The following RAPGEF2 variants were observed in gnomAD, a reference collection of about 807,000 sequenced individuals.
RAPGEF2 encodes the protein PDZ domain containing guanine nucleotide exchange factor (GEF) 1.
Under a neutral mutation model 186.7 loss-of-function variants are expected in RAPGEF2, and 54 were observed. That is an observed-to-expected ratio of 0.29 (90% confidence interval 0.23 to 0.36). The LOEUF (loss-of-function observed/expected upper bound fraction) is 0.36, where lower values mean the gene tolerates loss of function less well. Among genes scored for constraint, RAPGEF2 ranks in the 10% least tolerant of loss-of-function variants. The pLI is 1.00. For missense variants in RAPGEF2, 1,532 were observed against 2,045.0 expected, an observed-to-expected ratio of 0.75 and a Z score of 4.84; for synonymous variants, 712 against 705.9, an observed-to-expected ratio of 1.01 and a Z score of -0.14.
chr4:159,253,640 GT>G (rs556678200), intron 7 of RAPGEF2, among the ~76,000 whole-genome samples: 69 of 147,578 alleles, frequency 4.7e-4, no homozygotes, highest in African/African-American at 1.4e-3. Context: ...AATAACCATA[GT>G]TTTTTTTTTT....
intron 7 of RAPGEF2, among the ~76,000 whole-genome samples, chr4:159,260,067 G>A (rs1036766974): frequency 2.6e-5 from 4 of 151,866 alleles, no homozygotes; most frequent in African/African-American, 9.7e-5. Flanking sequence ...GTGCAGTCAC[G>A]GGTCAATGCA....
intron 1 of RAPGEF2, among the ~76,000 whole-genome samples, chr4:159,179,218 G>A (rs1002597302): frequency 1.3e-5 from 2 of 151,896 alleles, no homozygotes; most frequent in Admixed American, 6.6e-5. Context: ...TTTTTTCAGA[G>A]TCCTTTAAAA....
intron 1 of RAPGEF2, among the ~76,000 whole-genome samples, chr4:159,149,361 G>C (rs1363845467): frequency 6.6e-6 from 1 of 152,056 alleles, no homozygotes; most frequent in East Asian, 1.9e-4. Flanking sequence ...CTGGCTTCAA[G>C]CAATTCTCTG....
At chr4:159,241,702 G>C (rs1232874751) in intron 6 of RAPGEF2, among the ~76,000 whole-genome samples, 1 of 151,746 alleles carries the variant, frequency 6.6e-6, no homozygotes, top group African/African-American at 2.4e-5. Context: ...GATCAGCTTT[G>C]TGATAAGCAC....
intron 10 of RAPGEF2, among the ~76,000 whole-genome samples, 193 bp from the exon 11 acceptor site, chr4:159,323,266 G>A (rs1215697287): frequency 3.3e-5 from 5 of 152,122 alleles, no homozygotes; most frequent in African/African-American, 9.7e-5. Context: ...TCTGTGCTAG[G>A]CATATGGAAA....
chr4:159,265,015 G>T (rs1757273552), intron 7 of RAPGEF2, among the ~76,000 whole-genome samples: 1 of 151,980 alleles, frequency 6.6e-6, no homozygotes. Context: ...TGAACACTTG[G>T]GTTGCTTCTA....
intron 1 of RAPGEF2, among the ~76,000 whole-genome samples, chr4:159,131,327 C>T (rs754938001): frequency 1.3e-5 from 2 of 151,900 alleles, no homozygotes; most frequent in Non-Finnish European, 2.9e-5. Flanking sequence ...TCAGGCTGGT[C>T]TCGAACTCCC....
rs142290717 is a variant in RAPGEF2, at chr4:159,333,405, CA to C, written c.2135+711del. Among the ~76,000 whole-genome samples, 1,253 of 152,266 alleles carry C rather than the reference CA, an allele frequency of 8.2e-3. 15 individuals are homozygous for C. Among genetic ancestry groups the C allele is most frequent in the African/African-American group, 0.028 (1,176 of 41,552 alleles). On this transcript the variant is annotated intron_variant, in intron 17 of 29. Transcript: ENST00000691494. ...CCAACAGCATGTGCTCTTTACCAGTCAAATCATTGCTTTATCCAGTTGCCAT... is the reference window on the plus strand; with the variant it reads ...CCAACAGCATGTGCTCTTTACCAGTCAATCATTGCTTTATCCAGTTGCCAT...
chr4:159,198,271 CTTCTTTCTTTCTTTCT>C (rs201152378), intron 3 of RAPGEF2, among the ~76,000 whole-genome samples: 6,345 of 104,306 alleles, frequency 0.061, 342 homozygotes, highest in Admixed American at 0.11. Flanking sequence ...TCTTTCTTTC[CTTCTTTCTTTCTTTCT>C]TTCTTTCTTT....
intron 3 of RAPGEF2, among the ~76,000 whole-genome samples, chr4:159,198,993 C>T (rs1389683095): frequency 6.7e-6 from 1 of 148,330 alleles, no homozygotes; most frequent in Non-Finnish European, 1.5e-5. Context: ...CGAGAATTGC[C>T]TGAGCCCCAG....
chr4:159,333,043 G>A (rs1766914057), intron 17 of RAPGEF2, among the ~76,000 whole-genome samples: 1 of 151,848 alleles, frequency 6.6e-6, no homozygotes, highest in African/African-American at 2.4e-5. Flanking sequence ...GCAGTGGCGC[G>A]ATCTCGGCTC....
intron 7 of RAPGEF2, among the ~76,000 whole-genome samples, chr4:159,294,724 C>G (rs1272855848): frequency 1.3e-5 from 2 of 149,014 alleles, no homozygotes; most frequent in African/African-American, 4.9e-5. Flanking sequence ...CCATCCTTTC[C>G]TCTCACTCTG....
In RAPGEF2 at chr4:159,114,337, C is replaced by T. The variant is rs565684107; in HGVS notation, c.69+10106C>T. On this transcript the variant is annotated intron_variant, in intron 1 of 29. Transcript: ENST00000691494. ...CAGGCTGGTCTCGAACTCCTGACCT[C>T]GTGATCCGCCCACTGCAGCCTCCCA... 6.6e-5 allele frequency among the ~76,000 whole-genome samples: 10 copies of T among 152,072 alleles called. No homozygotes were observed. The East Asian group carries it at 1.5e-3, about 24-fold the overall frequency.
chr4:159,288,320 C>A (rs966735439), intron 7 of RAPGEF2, among the ~76,000 whole-genome samples: 10 of 152,088 alleles, frequency 6.6e-5, no homozygotes, highest in African/African-American at 2.4e-4. Flanking sequence ...AGTATTGTAG[C>A]GATTTGTGAT....
chr4:159,243,889 C>T (rs948263764), intron 7 of RAPGEF2, 98 bp downstream of exon 7: 14 of 918,784 alleles, frequency 1.5e-5, no homozygotes, highest in Middle Eastern at 2.5e-4. Flanking sequence ...TGTTTTGCTT[C>T]GTCTTGTCCT....
intron 5 of RAPGEF2, 149 bp downstream of exon 5, chr4:159,239,033 A>G: frequency 2.2e-6 from 1 of 460,466 alleles, no homozygotes; most frequent in Non-Finnish European, 3.6e-6. Context: ...ACAACTTTTT[A>G]TTAATATGAA....
intron 11 of RAPGEF2, among the ~76,000 whole-genome samples, chr4:159,325,119 ATTATC>A (rs1265776613): frequency 2.6e-5 from 4 of 152,180 alleles, no homozygotes; most frequent in African/African-American, 9.7e-5. Flanking sequence ...TATACATAAA[ATTATC>A]TTATCTATAG....
intron 1 of RAPGEF2, among the ~76,000 whole-genome samples, chr4:159,125,653 G>T (rs956216257): frequency 6.6e-6 from 1 of 152,024 alleles, no homozygotes; most frequent in Admixed American, 6.6e-5. Context: ...AGCTGCTCAG[G>T]AGGCTGAGGC....
chr4:159,238,796 T>C lies in RAPGEF2; in HGVS notation c.282-13T>C. The C allele has an allele frequency of 6.6e-7, 1 of 1,514,412 alleles. No individual in the cohort carries two copies. Among genetic ancestry groups the C allele is most frequent in the Non-Finnish European group, 8.8e-7 (1 of 1,139,332 alleles). 93.8% of individuals were successfully genotyped at this position (1,514,412 alleles called of 1,614,324 possible). The stretch of plus-strand genomic sequence containing the variant: ...AGGTTCTCCTCATTGATTTTTTTTT[T>C]CTTTCTTTCTAGTTTTGGCAAGCGT... On this transcript the variant is annotated splice_polypyrimidine_tract_variant and intron_variant, in intron 4 of 29. Coordinates refer to ENST00000691494, the MANE Select transcript of RAPGEF2 (RefSeq NM_001394067.2).
Sources: gnomAD v4.1 joint callset for allele counts (sites outside exome capture counted in the v4.1 genomes callset) on GRCh38, gnomAD v4.1.1 for gene constraint, MANE v1.5 for transcripts, NCBI Gene and HGNC (gene_info 2026-07-23, HGNC 2026-07-21) for gene names.